The following MYBPC1 variants were observed in gnomAD, a reference collection of about 807,000 sequenced individuals.
MYBPC1 encodes myosin-binding protein C, slow-type.
Under a neutral mutation model 147.1 loss-of-function variants are expected in MYBPC1, and 52 were observed. The observed-to-expected ratio is 0.35, with a 90% CI of 0.28 to 0.45. The LOEUF is 0.45. Among genes scored for constraint, MYBPC1 ranks in the 20% least tolerant of loss-of-function variants. The pLI is 1.00. For missense variants in MYBPC1, 1,228 were observed against 1,440.3 expected, an observed-to-expected ratio of 0.85 and a Z score of 2.39; for synonymous variants, 477 against 475.9, an observed-to-expected ratio of 1.00 and a Z score of -0.03.
At chr12:101,644,193 C>T (rs1421709015) in intron 11 of MYBPC1, among the ~76,000 whole-genome samples, 1 of 152,010 alleles carries the variant, frequency 6.6e-6, no homozygotes, top group African/African-American at 2.4e-5. Flanking sequence ...TGCACCACCA[C>T]ACCCCACTAA....
At chr12:101,599,912 G>A (rs753316508) in intron 1 of MYBPC1, among the ~76,000 whole-genome samples, 21 of 152,160 alleles carry the variant, frequency 1.4e-4, no homozygotes, top group Non-Finnish European at 2.8e-4. Context: ...GGGCAAATGC[G>A]TGCTAGAGGG....
At chr12:101,669,371 T>C (rs1400448737) in intron 23 of MYBPC1, among the ~76,000 whole-genome samples, 4 of 152,226 alleles carry the variant, frequency 2.6e-5, no homozygotes, top group Admixed American at 2.6e-4. Context: ...CTGCTCCTGA[T>C]GGATTTGCAG....
chr12:101,688,245 C>T (rs1951378125), downstream of MYBPC1, among the ~76,000 whole-genome samples: 1 of 152,024 alleles, frequency 6.6e-6, no homozygotes, highest in Admixed American at 6.6e-5. Context: ...ATGGTGAAGC[C>T]TTGTCTCTAC....
intron 8 of MYBPC1, 67 bp from the exon 9 acceptor site, chr12:101,634,487 T>C (rs1890603222): frequency 7.7e-7 from 1 of 1,291,182 alleles, no homozygotes; most frequent in Admixed American, 1.7e-5. Flanking sequence ...CCACAGCCTA[T>C]AAAGGAACTG....
chr12:101,622,020 C>T lies in MYBPC1; in HGVS notation c.103+4777C>T, dbSNP rs1887525241. ...ATAAAATTCTGCTTTAGTAAACTGC[C>T]CTTCTATGTAGCTAGGGGGAAGATA... On this transcript the variant is annotated intron_variant, in intron 3 of 31. Coordinates refer to ENST00000361466, the MANE Select transcript of MYBPC1 (RefSeq NM_002465.4). Among the ~76,000 whole-genome samples, 2 of 152,152 alleles carry T rather than the reference C, an allele frequency of 1.3e-5. 1 individual carries two copies. Among genetic ancestry groups the T allele is most frequent in the South Asian group, 4.1e-4 (2 of 4,836 alleles).
At position 101,659,028 on chromosome 12, in the gene MYBPC1, GA is replaced by G. The variant is rs1223300681; in HGVS notation, c.1768-637del. ...TTTAAATTTCAGGTTTAAGAAAGAA[GA>G]AAAAAAGTGAAAAAAAAGAAGAAGA... On this transcript the variant is annotated intron_variant, in intron 18 of 31. Transcript: ENST00000361466. Among the ~76,000 whole-genome samples, 62 of 150,026 alleles carry G rather than the reference GA, an allele frequency of 4.1e-4. 1 individual carries two copies. Among genetic ancestry groups the G allele is most frequent in the Admixed American group, 4.1e-3 (62 of 15,082 alleles).
At chr12:101,678,024 G>A (rs1212267058) in intron 27 of MYBPC1, 78 bp from the exon 28 acceptor site, 1 of 1,524,286 alleles carries the variant, frequency 6.6e-7, no homozygotes, top group Non-Finnish European at 9.1e-7. Context: ...TTTTAATCAT[G>A]TGTAAAGTAT....
At chr12:101,651,499 G>C in intron 16 of MYBPC1, 106 bp downstream of exon 16, 1 of 1,440,838 alleles carries the variant, frequency 6.9e-7, no homozygotes, top group Non-Finnish European at 9.7e-7. Flanking sequence ...GCCATAGGGA[G>C]ATCATCTATT....
At chr12:101,639,445 C>A (rs1428890752) in intron 10 of MYBPC1, among the ~76,000 whole-genome samples, 5 of 152,124 alleles carry the variant, frequency 3.3e-5, no homozygotes, top group Non-Finnish European at 7.3e-5. Context: ...GAGGTGAGAG[C>A]CTTGACCTCA....
At chr12:101,668,094 T>C (rs1314468812) in intron 23 of MYBPC1, among the ~76,000 whole-genome samples, 195 bp downstream of exon 23, 3 of 152,060 alleles carry the variant, frequency 2.0e-5, no homozygotes. Context: ...CACCTTCAGG[T>C]TTATCTTGGT....
chr12:101,681,250 CA>C (rs1389789724), intron 29 of MYBPC1, among the ~76,000 whole-genome samples: 3 of 151,844 alleles, frequency 2.0e-5, no homozygotes, highest in Admixed American at 6.6e-5. Flanking sequence ...TTTTTCTTTA[CA>C]AGCAGAACCT....
At chr12:101,650,172 G>A (rs1894125871) in intron 15 of MYBPC1, among the ~76,000 whole-genome samples, 1 of 152,126 alleles carries the variant, frequency 6.6e-6, no homozygotes, top group Non-Finnish European at 1.5e-5. Flanking sequence ...TCCATTTAAA[G>A]CAATTATAAT....
At chr12:101,693,039 C>T in the MYBPC1 span, among the ~76,000 whole-genome samples, 1 of 151,548 alleles carries the variant, frequency 6.6e-6, no homozygotes, top group Non-Finnish European at 1.5e-5. Flanking sequence ...CTCCGCCTCC[C>T]AGGTTCACTC....
Position 101,631,555 on chromosome 12 carries a change from CT to C in MYBPC1, c.290-14del. The C allele has an allele frequency of 6.2e-7, 1 of 1,613,518 alleles. No homozygotes were observed. On this transcript the variant is annotated splice_polypyrimidine_tract_variant and intron_variant, in intron 6 of 31. Coordinates refer to ENST00000361466, the MANE Select transcript of MYBPC1 (RefSeq NM_002465.4). Reference sequence around the variant, plus strand: ...GCTTGTTAAAGAGCAAGCTGAATCCCTTATGCTTCTTCTAGGTGAAGATATC... The same window carrying C: ...GCTTGTTAAAGAGCAAGCTGAATCCCTATGCTTCTTCTAGGTGAAGATATC...
rs776160544 is a variant in MYBPC1, at chr12:101,667,912, G to C, written c.2524+13G>C. On this transcript the variant is annotated intron_variant, in intron 23 of 31. Transcript: ENST00000361466. ...AAGGAAATCATAGGTAGGAGACAAGGCTTTCAAAAGTTAGACTCCATTTTA... is the reference window on the plus strand; with the variant it reads ...AAGGAAATCATAGGTAGGAGACAAGCCTTTCAAAAGTTAGACTCCATTTTA... The C allele has an allele frequency of 5.0e-6, 8 of 1,612,596 alleles. No homozygotes were observed. The African/African-American group carries it at 6.7e-5, about 13-fold the overall frequency.
chr12:101,651,914 A>G (rs911182432), intron 16 of MYBPC1, among the ~76,000 whole-genome samples: 1 of 152,204 alleles, frequency 6.6e-6, no homozygotes, highest in Non-Finnish European at 1.5e-5. Context: ...AGCCTGGGAA[A>G]CAGAATGAGA....
intron 1 of MYBPC1, among the ~76,000 whole-genome samples, chr12:101,603,845 G>A (rs1881116780): frequency 6.6e-6 from 1 of 152,174 alleles, no homozygotes; most frequent in Non-Finnish European, 1.5e-5. Flanking sequence ...GCTGAAGCAG[G>A]AGATTCACTT....
chr12:101,659,805 A>C lies in MYBPC1; in HGVS notation c.1901A>C (p.His634Pro). The C allele has an allele frequency of 6.2e-7, 1 of 1,614,164 alleles. No homozygotes were observed. The change falls in exon 19 of 32, where the codon CAT becomes CCT. Residue 634 changes from histidine to proline, a missense_variant. Around this residue, in one of 2 missense-constraint regions of MYBPC1, gnomAD observed 1,077 missense variants for 1,314.2 expected, o/e 0.82. Coordinates refer to ENST00000361466, the MANE Select transcript of MYBPC1 (RefSeq NM_002465.4). ...INLKNEAGEA[H>P]ASIKVKVVDF... ...CTGAAAAACGAAGCTGGAGAGGCACATGCAAGCATCAAGGTTAAAGTTGTG... is the reference window on the plus strand; with the variant it reads ...CTGAAAAACGAAGCTGGAGAGGCACCTGCAAGCATCAAGGTTAAAGTTGTG...
intron 1 of MYBPC1, among the ~76,000 whole-genome samples, chr12:101,607,858 G>T (rs1279067657): frequency 6.6e-6 from 1 of 152,258 alleles, no homozygotes; most frequent in Admixed American, 6.5e-5. Flanking sequence ...ATTTTAAGAC[G>T]TAAGATTTCT....
Sources: allele counts gnomAD v4.1 joint callset (sites outside exome capture counted in the v4.1 genomes callset), GRCh38; gene constraint gnomAD v4.1.1; regional missense constraint gnomAD v4.1.1; transcripts MANE v1.5; gene names NCBI Gene and HGNC (gene_info 2026-07-23, HGNC 2026-07-21).